Variants in SAMSN1 observed in about 807,000 individuals in gnomAD.
The protein encoded by SAMSN1 is SAM domain-containing protein SAMSN-1.
A neutral mutation model predicts 42.0 loss-of-function variants in SAMSN1; 31 were observed. The observed-to-expected ratio is 0.74, with a 90% CI of 0.55 to 1.00. The LOEUF (loss-of-function observed/expected upper bound fraction) is 1.00. Among genes scored for constraint, SAMSN1 ranks in the 50% least tolerant of loss-of-function variants. The probability of loss-of-function intolerance (pLI) is 0.00; values close to 1 mark genes in which losing one functional copy is unlikely to be tolerated. For missense variants in SAMSN1, 464 were observed against 439.4 expected (o/e 1.06, Z -0.50); for synonymous variants, 178 against 151.9 (o/e 1.17, Z -1.26).
intron 2 of SAMSN1, among the ~76,000 whole-genome samples, chr21:14,628,581 A>G (rs1405558346): frequency 6.6e-6 from 1 of 152,186 alleles, no homozygotes. Flanking sequence ...ACAAGTCATC[A>G]CAAATGTGAA....
intron 2 of SAMSN1, among the ~76,000 whole-genome samples, chr21:14,574,708 T>C (rs1289279798): frequency 6.6e-6 from 1 of 152,140 alleles, no homozygotes; most frequent in African/African-American, 2.4e-5. Flanking sequence ...AGAAATTACA[T>C]TTTCTCATTT....
intron 2 of SAMSN1, among the ~76,000 whole-genome samples, chr21:14,631,062 T>A (rs1983315210): frequency 6.6e-6 from 1 of 152,208 alleles, no homozygotes; most frequent in African/African-American, 2.4e-5. Flanking sequence ...AGTGGTTTTT[T>A]AAGACCTTTT....
chr21:14,541,494 AT>A (rs1247547430), intron 1 of SAMSN1, among the ~76,000 whole-genome samples: 1 of 151,956 alleles, frequency 6.6e-6, no homozygotes, highest in East Asian at 1.9e-4. Flanking sequence ...ATATTATGAG[AT>A]TTGTTTGTGA....
upstream of SAMSN1, among the ~76,000 whole-genome samples, chr21:14,550,737 T>C (rs1447475930): frequency 1.3e-5 from 2 of 152,078 alleles, no homozygotes; most frequent in East Asian, 3.9e-4. Flanking sequence ...TTACCTCAAA[T>C]AGAAAAAAGA....
At chr21:14,573,792 G>A (rs117017490) in intron 2 of SAMSN1, among the ~76,000 whole-genome samples, 528 of 152,232 alleles carry the variant, frequency 3.5e-3, no homozygotes, top group Non-Finnish European at 5.6e-3. Context: ...GAAGCCCATG[G>A]AGATTAGGCA....
At chr21:14,553,612 C>T (rs536342260) in intron 2 of SAMSN1, among the ~76,000 whole-genome samples, 6 of 152,248 alleles carry the variant, frequency 3.9e-5, no homozygotes, top group East Asian at 3.9e-4. Flanking sequence ...ATCTCCTTAA[C>T]AGAAAAAGGG....
chr21:14,519,689 A>G (rs1978333400), intron 2 of SAMSN1, among the ~76,000 whole-genome samples: 1 of 151,178 alleles, frequency 6.6e-6, no homozygotes. Flanking sequence ...ATTTTAAAAT[A>G]TTACAGATAG....
rs532735676 is a variant in SAMSN1, at chr21:14,605,377, G to A, written c.323-3278C>T. ...GAGTTTATTCCCATCTTGTAAGCAA[G>A]CATTTAGAGGTATGAAGTAGGACTT... is the stretch of plus-strand genomic sequence containing the variant. On this transcript the variant is annotated intron_variant, in intron 5 of 15. Transcript: ENST00000647101. 5.9e-5 allele frequency among the ~76,000 whole-genome samples: 9 copies of A among 152,314 alleles called. No homozygotes were observed. The South Asian group carries it at 1.7e-3, about 28-fold the overall frequency.
At chr21:14,656,326 G>A (rs1442388606) in intron 1 of SAMSN1, among the ~76,000 whole-genome samples, 1 of 151,714 alleles carries the variant, frequency 6.6e-6, no homozygotes, top group African/African-American at 2.4e-5. Context: ...ATTTTAATAA[G>A]TGCTTAAAAG....
chr21:14,608,302 T>G (rs1195908700), intron 5 of SAMSN1, among the ~76,000 whole-genome samples: 3 of 152,184 alleles, frequency 2.0e-5, no homozygotes, highest in Non-Finnish European at 4.4e-5. Context: ...ATATTTGTGC[T>G]TGGGGAAGGG....
At chr21:14,540,668 C>A (rs1157117327) in intron 1 of SAMSN1, among the ~76,000 whole-genome samples, 1 of 152,210 alleles carries the variant, frequency 6.6e-6, no homozygotes, top group Non-Finnish European at 1.5e-5. Flanking sequence ...AATAGGAACA[C>A]ATTTACACTG....
At chr21:14,552,135 G>A (rs900928529) in intron 2 of SAMSN1, among the ~76,000 whole-genome samples, 2 of 152,018 alleles carry the variant, frequency 1.3e-5, no homozygotes, top group African/African-American at 4.8e-5. Flanking sequence ...TCAGTATCAT[G>A]GGGACAAATC....
At chr21:14,576,042 T>C (rs1460705867) in intron 2 of SAMSN1, among the ~76,000 whole-genome samples, 1 of 152,210 alleles carries the variant, frequency 6.6e-6, no homozygotes, top group African/African-American at 2.4e-5. Flanking sequence ...ATCATTGTGC[T>C]TGATGAAAGG....
chr21:14,504,580 A>G (rs769743995), intron 5 of SAMSN1, among the ~76,000 whole-genome samples: 2 of 152,226 alleles, frequency 1.3e-5, no homozygotes, highest in Non-Finnish European at 2.9e-5. Flanking sequence ...AAATATGAAC[A>G]AAGCCTCCAA....
rs369260965 is a variant in SAMSN1 at position 14,564,869 on chromosome 21, C to G, written c.261+17267G>C. ...GGAGGATCACTCCAAATCCACTCAG[C>G]AGGAAAAGTTATAGCATGCATAATT... On this transcript the variant is annotated intron_variant, in intron 2 of 8. Coordinates refer to the SAMSN1 transcript ENST00000285670. Among the ~76,000 whole-genome samples the G allele has an allele frequency of 4.2e-4, 64 of 152,202 alleles. 2 individuals are homozygous for G. The highest frequency in any genetic ancestry group is 1.4e-3 in the African/African-American group (58 of 41,534).
intron 2 of SAMSN1, among the ~76,000 whole-genome samples, chr21:14,621,980 C>G (rs1193062080): frequency 1.3e-5 from 2 of 152,252 alleles, no homozygotes; most frequent in Admixed American, 1.3e-4. Context: ...GTTCTCTGTT[C>G]TGCAGCCTCT....
At chr21:14,639,279 A>T (rs1383998194) in intron 2 of SAMSN1, among the ~76,000 whole-genome samples, 1 of 152,212 alleles carries the variant, frequency 6.6e-6, no homozygotes, top group Non-Finnish European at 1.5e-5. Flanking sequence ...TATAGCAAAC[A>T]GGAATTTACT....
intron 1 of SAMSN1, among the ~76,000 whole-genome samples, chr21:14,532,256 G>A (rs933017109): frequency 6.6e-6 from 1 of 152,172 alleles, no homozygotes; most frequent in Non-Finnish European, 1.5e-5. Flanking sequence ...GAGGTTGAGT[G>A]CTGCAGTTAA....
chr21:14,507,095 G>T (rs1439514822), intron 5 of SAMSN1, among the ~76,000 whole-genome samples: 1 of 152,102 alleles, frequency 6.6e-6, no homozygotes, highest in Non-Finnish European at 1.5e-5. Context: ...ATGCTGAATG[G>T]GCACAAGGTG....
Sources: allele counts gnomAD v4.1 joint callset (sites outside exome capture counted in the v4.1 genomes callset), GRCh38; gene constraint gnomAD v4.1.1; transcripts MANE v1.5; gene names NCBI Gene and HGNC (gene_info 2026-07-23, HGNC 2026-07-21).